KIAA1549: variants seen among roughly 807,000 people sequenced by gnomAD.
KIAA1549 encodes KIAA1549.
Under a neutral mutation model 156.4 loss-of-function variants are expected in KIAA1549, and 70 were observed. The ratio of observed to expected loss-of-function variants is 0.45; its 90% CI spans 0.37 to 0.55. KIAA1549 has a LOEUF of 0.55. Among genes scored for constraint, KIAA1549 ranks in the 20% least tolerant of loss-of-function variants. KIAA1549 has a pLI of 0.00. For synonymous variants in KIAA1549, 1,103 were observed against 1,066.4 expected (o/e 1.03, Z -0.67); for missense variants, 2,428 against 2,540.9 (o/e 0.96, Z 0.96).
intron 2 of KIAA1549, among the ~76,000 whole-genome samples, chr7:138,913,598 T>C (rs1812229945): frequency 6.6e-6 from 1 of 152,248 alleles, no homozygotes; most frequent in Non-Finnish European, 1.5e-5. Flanking sequence ...AATCACTCTG[T>C]ATTCTTCATT....
chr7:138,893,134 C>T (rs1440025496), intron 10 of KIAA1549, among the ~76,000 whole-genome samples: 1 of 152,118 alleles, frequency 6.6e-6, no homozygotes, highest in Non-Finnish European at 1.5e-5. Flanking sequence ...ATGTGACCCT[C>T]GAATACTATG....
Position 138,919,423 on chromosome 7 carries a change from T to C in KIAA1549, c.203A>G (p.Glu68Gly). ...ASCAPDELSPEQHNLSLYSME... is the reference protein window; with the variant it reads ...ASCAPDELSPGQHNLSLYSME... Reference sequence around the variant, plus strand: ...GGAGTATAAAGAAAGGTTGTGCTGTTCCGGAGAGAGCTCATCTATCAAGAA... The same window carrying C: ...GGAGTATAAAGAAAGGTTGTGCTGTCCCGGAGAGAGCTCATCTATCAAGAA... Residue 68 changes from glutamate (E) to glycine (G), a missense_variant, in exon 2 of 20, where the codon GAA becomes GGA. Transcript: ENST00000422774. The C allele has an allele frequency of 6.2e-7, 1 of 1,613,604 alleles. No individual in the cohort carries two copies. The highest frequency in any genetic ancestry group is 1.6e-4 in the Middle Eastern group (1 of 6,062).
At chr7:138,875,665 TG>T (rs1274833746) in intron 12 of KIAA1549, among the ~76,000 whole-genome samples, 1 of 152,116 alleles carries the variant, frequency 6.6e-6, no homozygotes, top group East Asian at 1.9e-4. Flanking sequence ...CATATGGGAT[TG>T]TATAGAACAG....
In KIAA1549 at chr7:138,836,465, G is replaced by A. The variant is rs759012911; in HGVS notation, c.*1441C>T. 6 of 214,228 alleles carry A rather than the reference G, an allele frequency of 2.8e-5. No homozygotes were observed. Among genetic ancestry groups the A allele is most frequent in the Non-Finnish European group, 5.7e-5 (6 of 106,098 alleles). 13.3% of individuals were successfully genotyped at this position (214,228 alleles called of 1,614,324 possible). A position where few individuals can be genotyped will look rare whatever the true frequency, so the allele number is the denominator to read the frequency against. On this transcript the variant is annotated 3_prime_UTR_variant, in exon 20 of 20. Transcript: ENST00000422774. ...AGCCTAATGACACATTTCTCAGAAT[G>A]CATCCCCATCATTAAGCGATGCATG...
At chr7:138,843,979 A>C (rs560126888) in intron 18 of KIAA1549, among the ~76,000 whole-genome samples, 1 of 152,336 alleles carries the variant, frequency 6.6e-6, no homozygotes, top group South Asian at 2.1e-4. Context: ...AGCTGAAAAA[A>C]GCACCTTCTT....
At chr7:138,856,221 G>A (rs1490591394) in intron 16 of KIAA1549, among the ~76,000 whole-genome samples, 1 of 149,944 alleles carries the variant, frequency 6.7e-6, no homozygotes, top group Admixed American at 6.6e-5. Flanking sequence ...TGTATCTTTA[G>A]TAGAGACGGG....
At chr7:138,838,291 T>C (rs1342447247) in intron 19 of KIAA1549, 131 bp from the exon 20 acceptor site, 1 of 892,358 alleles carries the variant, frequency 1.1e-6, no homozygotes, top group East Asian at 2.7e-5. Context: ...AACAGGGCCC[T>C]GCTGCCTATG....
chr7:138,913,996 G>T (rs1812242768), intron 2 of KIAA1549, among the ~76,000 whole-genome samples: 1 of 149,028 alleles, frequency 6.7e-6, no homozygotes. Flanking sequence ...GGGAGAGGAG[G>T]GAGAAGGAAA....
chr7:138,980,158 C>T (rs1336778383), intron 1 of KIAA1549, among the ~76,000 whole-genome samples: 2 of 152,208 alleles, frequency 1.3e-5, no homozygotes, highest in African/African-American at 4.8e-5. Flanking sequence ...AGCAGCTCTC[C>T]ACCCCTAGCT....
intron 1 of KIAA1549, among the ~76,000 whole-genome samples, chr7:138,961,003 C>T (rs1483884264): frequency 6.6e-6 from 1 of 152,246 alleles, no homozygotes; most frequent in Non-Finnish European, 1.5e-5. Context: ...CATAACCTCT[C>T]CCTGTGCAGT....
intron 1 of KIAA1549, among the ~76,000 whole-genome samples, chr7:138,967,878 C>T (rs1226144876): frequency 6.6e-6 from 1 of 152,198 alleles, no homozygotes; most frequent in Non-Finnish European, 1.5e-5. Flanking sequence ...CTGTGCTGGC[C>T]TGCACAGATG....
chr7:138,856,300 A>G (rs184965796), intron 16 of KIAA1549, among the ~76,000 whole-genome samples: 1 of 151,634 alleles, frequency 6.6e-6, no homozygotes, highest in Admixed American at 6.6e-5. Flanking sequence ...GGCCTCCCAC[A>G]TATCCCCTCA....
intron 1 of KIAA1549, among the ~76,000 whole-genome samples, chr7:138,968,470 C>T (rs533079295): frequency 3.9e-5 from 6 of 152,002 alleles, no homozygotes; most frequent in African/African-American, 9.7e-5. Flanking sequence ...TATTTTTAAA[C>T]GGAAACAAAC....
intron 1 of KIAA1549, among the ~76,000 whole-genome samples, chr7:138,957,587 C>T (rs1307277714): frequency 6.6e-6 from 1 of 151,996 alleles, no homozygotes; most frequent in African/African-American, 2.4e-5. Context: ...AAGCAATTCT[C>T]TTGCCTCAGC....
intron 12 of KIAA1549, among the ~76,000 whole-genome samples, chr7:138,877,890 T>C (rs576316278): frequency 6.6e-6 from 1 of 152,304 alleles, no homozygotes; most frequent in East Asian, 1.9e-4. Context: ...TTATAGAATA[T>C]ACTGGCTGTA....
At chr7:138,885,120 G>A (rs935283955) in intron 10 of KIAA1549, among the ~76,000 whole-genome samples, 9 of 152,268 alleles carry the variant, frequency 5.9e-5, no homozygotes, top group Admixed American at 3.3e-4. Flanking sequence ...GCTTGAACCA[G>A]GGAGGCGGAG....
At position 138,878,761 on chromosome 7, in the gene KIAA1549, C is replaced by CA. The variant is rs1020503492; in HGVS notation, c.4345+776dup. On this transcript the variant is annotated intron_variant, in intron 12 of 19. Coordinates refer to ENST00000422774, the MANE Select transcript of KIAA1549 (RefSeq NM_001164665.2). The stretch of plus-strand genomic sequence containing the variant: ...TCAGTGATAGAGCAAGACCCTGTCT[C>CA]AAAAAAAAATAGTAATAATAATATT... 2.7e-4 allele frequency among the ~76,000 whole-genome samples: 36 copies of CA among 133,208 alleles called. 3 individuals are homozygous for CA. The highest frequency in any genetic ancestry group is 7.3e-4 in the African/African-American group (28 of 38,556). The allele number at this position is 133,208 out of a possible 152,430, so 87.4% of individuals were successfully genotyped here.
intron 2 of KIAA1549, among the ~76,000 whole-genome samples, chr7:138,912,755 G>A (rs76209864): frequency 1.3e-5 from 2 of 152,222 alleles, no homozygotes; most frequent in East Asian, 3.9e-4. Context: ...AATCAGCAGT[G>A]ATGACCCAGC....
chr7:138,867,130 C>T (rs1810768951), intron 15 of KIAA1549, among the ~76,000 whole-genome samples: 1 of 152,130 alleles, frequency 6.6e-6, no homozygotes, highest in Non-Finnish European at 1.5e-5. Context: ...CTCTTTCTCC[C>T]ATAAAAGCAA....
Sources: allele counts gnomAD v4.1 joint callset (sites outside exome capture counted in the v4.1 genomes callset), GRCh38; gene constraint gnomAD v4.1.1; transcripts MANE v1.5; gene names NCBI Gene and HGNC (gene_info 2026-07-23, HGNC 2026-07-21).